Variants in UTRN observed in about 807,000 individuals in gnomAD.
UTRN encodes the protein utrophin.
In UTRN, 283 loss-of-function variants were observed where a neutral mutation model predicts 463.9. The observed-to-expected ratio is 0.61, with a 90% CI of 0.55 to 0.67. The LOEUF (loss-of-function observed/expected upper bound fraction) is 0.67. Among genes scored for constraint, UTRN ranks in the 30% least tolerant of loss-of-function variants. The pLI is 0.00. For missense variants in UTRN, 3,922 were observed against 4,084.3 expected (o/e 0.96, Z 1.08); for synonymous variants, 1,442 against 1,431.5 (o/e 1.01, Z -0.17).
chr6:144,711,191 A>G (rs1211440816), intron 53 of UTRN, among the ~76,000 whole-genome samples: 2 of 151,948 alleles, frequency 1.3e-5, no homozygotes, highest in Non-Finnish European at 2.9e-5. Flanking sequence ...GCGGGTGCCT[A>G]TCATCTCAGC....
At chr6:144,542,410 G>A (rs1393890795) in intron 45 of UTRN, among the ~76,000 whole-genome samples, 1 of 152,200 alleles carries the variant, frequency 6.6e-6, no homozygotes, top group Non-Finnish European at 1.5e-5. Context: ...GAGCAACACA[G>A]CTGCCCTGAA....
intron 2 of UTRN, among the ~76,000 whole-genome samples, chr6:144,336,304 T>C (rs1286506929): frequency 1.3e-5 from 2 of 152,048 alleles, no homozygotes; most frequent in Non-Finnish European, 2.9e-5. Flanking sequence ...TGAATGACAG[T>C]AAACAACCTT....
In UTRN at chr6:144,403,013, A is replaced by G; in HGVS notation, c.80-110A>G. On this transcript the variant is annotated intron_variant, in intron 2 of 74. Coordinates refer to ENST00000367545, the MANE Select transcript of UTRN (RefSeq NM_007124.3). ...CGCCTCATTGTGCTCAAGGAGCTCG[A>G]CTAATAGGACTATTTTAAACTCTCC... 4.2e-6 allele frequency: 4 copies of G among 941,890 alleles called. No individual in the cohort carries two copies. In the South Asian group the frequency reaches 5.7e-5, roughly 13 times the overall value. The allele number at this position is 941,890 out of a possible 1,614,324, so 58.3% of individuals were successfully genotyped here.
intron 9 of UTRN, among the ~76,000 whole-genome samples, chr6:144,430,920 T>C (rs770629449): frequency 4.6e-5 from 7 of 152,134 alleles, no homozygotes; most frequent in Non-Finnish European, 7.4e-5. Context: ...AATAGTGTGA[T>C]TTATAGAAAA....
intron 46 of UTRN, among the ~76,000 whole-genome samples, chr6:144,544,028 A>C (rs957894197): frequency 6.6e-6 from 1 of 152,172 alleles, no homozygotes; most frequent in African/African-American, 2.4e-5. Flanking sequence ...ATTTTATAAA[A>C]TCGTCATGGG....
intron 51 of UTRN, among the ~76,000 whole-genome samples, chr6:144,595,327 C>T (rs1014677715): frequency 4.6e-5 from 7 of 152,154 alleles, no homozygotes; most frequent in Admixed American, 2.0e-4. Flanking sequence ...AAATAACAAT[C>T]AATGACAATA....
At chr6:144,646,090 G>A (rs748685864) in intron 51 of UTRN, among the ~76,000 whole-genome samples, 2 of 152,054 alleles carry the variant, frequency 1.3e-5, no homozygotes, top group African/African-American at 2.4e-5. Flanking sequence ...CTACTCCTTC[G>A]ATTTTACTGT....
intron 51 of UTRN, among the ~76,000 whole-genome samples, chr6:144,612,337 G>A (rs185143754): frequency 1.6e-4 from 24 of 151,800 alleles, no homozygotes; most frequent in South Asian, 2.1e-4. Context: ...TAATATGGCC[G>A]TTCACCAGCA....
rs1237323340 is a variant in UTRN at position 144,521,904 on chromosome 6, T to TAA, written c.5542-76_5542-75insAA. The TAA allele has an allele frequency of 1.6e-5, 15 of 947,498 alleles. No individual in the cohort carries two copies. The African/African-American group carries it at 2.2e-4, about 14-fold the overall frequency. 58.7% of individuals were successfully genotyped at this position (947,498 alleles called of 1,614,324 possible). A position where few individuals can be genotyped will look rare whatever the true frequency, so the allele number is the denominator to read the frequency against. On this transcript the variant is annotated intron_variant, in intron 39 of 74. Coordinates refer to ENST00000367545, the MANE Select transcript of UTRN (RefSeq NM_007124.3). ...TATTGCATTCCTTCACACAATAGTC[T>TAA]TGTTATTATTCATTGTGGGGGTATT... is the stretch of plus-strand genomic sequence containing the variant.
rs753107808 is a variant in UTRN at position 144,396,196 on chromosome 6, TA to T, written c.80-6923del. ...CACAATGGAATATTTTTTACCCTTA[TA>T]AAAGAATGAAGTTCTGATACAAGCT... On this transcript the variant is annotated intron_variant, in intron 2 of 74. Transcript: ENST00000367545. Among the ~76,000 whole-genome samples, 101 of 152,304 alleles carry T rather than the reference TA, an allele frequency of 6.6e-4. 1 individual carries two copies. The Middle Eastern group carries it at 0.01, about 15-fold the overall frequency.
chr6:144,671,513 T>C (rs1781027551), intron 51 of UTRN, among the ~76,000 whole-genome samples: 1 of 152,190 alleles, frequency 6.6e-6, no homozygotes, highest in Admixed American at 6.6e-5. Flanking sequence ...ACTGAATTTA[T>C]TTATCAGATC....
chr6:144,588,066 C>T (rs969608290), intron 51 of UTRN, among the ~76,000 whole-genome samples: 7 of 152,112 alleles, frequency 4.6e-5, no homozygotes, highest in African/African-American at 1.7e-4. Context: ...TGTATGGATA[C>T]CCACACAGAC....
At chr6:144,497,582 G>C (rs890720853) in intron 33 of UTRN, among the ~76,000 whole-genome samples, 1 of 151,660 alleles carries the variant, frequency 6.6e-6, no homozygotes, top group African/African-American at 2.4e-5. Flanking sequence ...TCGGGAGGCT[G>C]AGGCAGGAGA....
At chr6:144,646,999 G>T (rs1391843317) in intron 51 of UTRN, among the ~76,000 whole-genome samples, 2 of 152,048 alleles carry the variant, frequency 1.3e-5, no homozygotes, top group East Asian at 1.9e-4. Flanking sequence ...ATGCTATTTT[G>T]TCCAGCCAAT....
rs138797510 is a variant in UTRN at position 144,360,936 on chromosome 6, G to A, written c.80-42187G>A. On this transcript the variant is annotated intron_variant, in intron 2 of 74. Coordinates refer to ENST00000367545, the MANE Select transcript of UTRN (RefSeq NM_007124.3). ...CTTGTCTCAGGGTCTGCTTCTTGGG[G>A]GAAGGACCAAACTAAGATATTATTA... Among the ~76,000 whole-genome samples, 805 of 152,190 alleles carry A rather than the reference G, an allele frequency of 5.3e-3. 4 individuals carry two copies. The highest frequency in any genetic ancestry group is 0.014 in the Middle Eastern group (4 of 294).
intron 32 of UTRN, 40 bp downstream of exon 32, chr6:144,491,142 C>A: frequency 1.3e-6 from 2 of 1,559,516 alleles, no homozygotes; most frequent in Middle Eastern, 1.7e-4. Context: ...GTGGCTTTTT[C>A]AGCAGCTGTT....
At chr6:144,617,672 G>C (rs1451434833) in intron 51 of UTRN, among the ~76,000 whole-genome samples, 2 of 152,166 alleles carry the variant, frequency 1.3e-5, no homozygotes, top group Non-Finnish European at 2.9e-5. Context: ...ATCATTTCAG[G>C]AGAGTTGAGG....
At chr6:144,541,263 A>G (rs1212626977) in intron 45 of UTRN, among the ~76,000 whole-genome samples, 2 of 151,852 alleles carry the variant, frequency 1.3e-5, no homozygotes, top group Non-Finnish European at 2.9e-5. Context: ...TACAATATCC[A>G]CTGCTCTCTC....
rs779184521 is a variant in UTRN, at chr6:144,428,856, A to G, written c.657A>G (p.Gln219=). Reference sequence around the variant, plus strand: ...TTGAACATGCCTTCAGCAAGGCTCAAACTTATTTGGGAATTGAAAAGCTGT... The same window carrying G: ...TTGAACATGCCTTCAGCAAGGCTCAGACTTATTTGGGAATTGAAAAGCTGT... ...ERLEHAFSKA[Q]TYLGIEKLLD... The change falls in exon 8 of 75, where the codon CAA becomes CAG. Residue 219 remains glutamine, a synonymous_variant. Coordinates refer to ENST00000367545, the MANE Select transcript of UTRN (RefSeq NM_007124.3). The G allele has an allele frequency of 1.2e-6, 2 of 1,610,322 alleles. No individual in the cohort carries two copies. The highest frequency in any genetic ancestry group is 1.7e-6 in the Non-Finnish European group (2 of 1,178,922).
Sources: allele counts gnomAD v4.1 joint callset (sites outside exome capture counted in the v4.1 genomes callset), GRCh38; gene constraint gnomAD v4.1.1; transcripts MANE v1.5; gene names NCBI Gene and HGNC (gene_info 2026-07-23, HGNC 2026-07-21).